Variants in AKAP19 observed in about 807,000 individuals in gnomAD.
AKAP19 encodes small A-kinase anchoring protein.
chr2:190,106,350 G>A, the AKAP19 span, among the ~76,000 whole-genome samples: 2 of 152,142 alleles, frequency 1.3e-5, no homozygotes, highest in African/African-American at 4.8e-5. Context: ...AATATATTCA[G>A]TTTTACTGAG....
the AKAP19 span, among the ~76,000 whole-genome samples, chr2:190,179,281 G>A: frequency 7.2e-5 from 11 of 151,904 alleles, no homozygotes; most frequent in Non-Finnish European, 5.9e-5. This position sits in a 1 kb window ranked among gnomAD's most constrained non-coding sequence, Gnocchi z 6.0. Context: ...GGTGGCAGGC[G>A]CCTGTAATCT....
At chr2:190,028,774 T>C in the AKAP19 span, among the ~76,000 whole-genome samples, 2 of 152,226 alleles carry the variant, frequency 1.3e-5, no homozygotes, top group Middle Eastern at 3.2e-3. Context: ...TATACCTCAT[T>C]AAGAATCAAA....
At chr2:189,937,952 T>C in the AKAP19 span, among the ~76,000 whole-genome samples, 1 of 152,224 alleles carries the variant, frequency 6.6e-6, no homozygotes, top group Non-Finnish European at 1.5e-5. Flanking sequence ...AAGAGATACC[T>C]GCATTCCCAT....
the AKAP19 span, among the ~76,000 whole-genome samples, chr2:190,025,324 C>T: frequency 6.6e-6 from 1 of 152,128 alleles, no homozygotes; most frequent in East Asian, 1.9e-4. Context: ...TCTCTGGTTG[C>T]CTTCAGATCC....
chr2:189,969,752 T>C, the AKAP19 span, among the ~76,000 whole-genome samples: 6 of 145,492 alleles, frequency 4.1e-5, no homozygotes, highest in African/African-American at 7.6e-5. Flanking sequence ...AAAAAAAAGA[T>C]AAAATTTCAT....
At chr2:190,140,797 A>T in the AKAP19 span, among the ~76,000 whole-genome samples, 3 of 152,180 alleles carry the variant, frequency 2.0e-5, no homozygotes, top group East Asian at 5.8e-4. Flanking sequence ...TTGGCTCCTC[A>T]TTACCTATGC....
chr2:189,949,108 T>G, the AKAP19 span, among the ~76,000 whole-genome samples: 1 of 152,142 alleles, frequency 6.6e-6, no homozygotes, highest in African/African-American at 2.4e-5. Context: ...GCAAAATCTT[T>G]GCATACTCAA....
the AKAP19 span, among the ~76,000 whole-genome samples, chr2:190,185,886 A>G: frequency 6.6e-6 from 1 of 152,218 alleles, no homozygotes; most frequent in Non-Finnish European, 1.5e-5. Flanking sequence ...AGAGATAAGA[A>G]ATGGAAATAA....
At chr2:189,930,522 C>T in the AKAP19 span, 2 of 206,086 alleles carry the variant, frequency 9.7e-6, no homozygotes, top group Non-Finnish European at 2.0e-5. Flanking sequence ...ACTAAAAATA[C>T]AAAAATTAGC....
At chr2:190,036,715 A>G in the AKAP19 span, among the ~76,000 whole-genome samples, 20 of 152,180 alleles carry the variant, frequency 1.3e-4, no homozygotes, top group Non-Finnish European at 2.2e-4. Context: ...GAATAGACTC[A>G]TATATCATCA....
the AKAP19 span, among the ~76,000 whole-genome samples, chr2:189,943,728 C>T: frequency 6.6e-6 from 1 of 152,218 alleles, no homozygotes; most frequent in Non-Finnish European, 1.5e-5. Context: ...AGAGGTGGAG[C>T]TCCCAAGGCC....
At chr2:190,025,511 C>A in the AKAP19 span, among the ~76,000 whole-genome samples, 1 of 152,118 alleles carries the variant, frequency 6.6e-6, no homozygotes, top group Non-Finnish European at 1.5e-5. Flanking sequence ...AATTGAGATA[C>A]AGAAAAGTTT....
the AKAP19 span, among the ~76,000 whole-genome samples, chr2:189,885,378 A>G: frequency 6.6e-6 from 1 of 152,212 alleles, no homozygotes; most frequent in Non-Finnish European, 1.5e-5. Flanking sequence ...TAAAGAGACT[A>G]TGTGTGGAGA....
chr2:189,897,259 G>A, the AKAP19 span, among the ~76,000 whole-genome samples: 2 of 152,132 alleles, frequency 1.3e-5, no homozygotes, highest in Admixed American at 6.5e-5. Context: ...TTAAAACACA[G>A]AGTCTGTCTC....
At chr2:190,050,340 C>T in the AKAP19 span, among the ~76,000 whole-genome samples, 1 of 152,140 alleles carries the variant, frequency 6.6e-6, no homozygotes, top group African/African-American at 2.4e-5. Context: ...AGTTTGTTTA[C>T]TTAATAAGTT....
the AKAP19 span, chr2:189,923,547 A>G: frequency 6.2e-7 from 1 of 1,613,814 alleles, no homozygotes; most frequent in African/African-American, 1.3e-5. Flanking sequence ...GCAGGAGAGG[A>G]TGGCAGAATG....
chr2:190,001,160 G>T, the AKAP19 span, among the ~76,000 whole-genome samples: 6 of 151,846 alleles, frequency 4.0e-5, no homozygotes, highest in Non-Finnish European at 8.8e-5. Flanking sequence ...ATTTTTATTT[G>T]TTTTTTAAAA....
At chr2:190,000,411 C>A in the AKAP19 span, among the ~76,000 whole-genome samples, 1 of 152,208 alleles carries the variant, frequency 6.6e-6, no homozygotes. Context: ...AGTAACCTGA[C>A]TAAAAGTTTG....
the AKAP19 span, among the ~76,000 whole-genome samples, chr2:189,969,906 C>G: frequency 5.1e-4 from 63 of 123,348 alleles, 1 homozygote; most frequent in African/African-American, 2.0e-3. Flanking sequence ...GGGTCTCACT[C>G]TGGTTGCCCA....
Sources: gnomAD v4.1 joint callset for allele counts (sites outside exome capture counted in the v4.1 genomes callset) on GRCh38, gnomAD v4.1.1 for gene constraint, Gnocchi (gnomAD v3.1) non-coding constraint, MANE v1.5 for transcripts, NCBI Gene and HGNC (gene_info 2026-07-23, HGNC 2026-07-21) for gene names.